SMYD3: variants seen among roughly 807,000 people sequenced by gnomAD.
The protein encoded by SMYD3 is SET and MYND domain containing 3, also known as histone-lysine N-methyltransferase SMYD3.
SMYD3 carries 36 observed loss-of-function variants against 57.7 expected under a neutral mutation model. The ratio of observed to expected loss-of-function variants is 0.62; its 90% CI spans 0.48 to 0.82. SMYD3 has a LOEUF of 0.82. Ranked by LOEUF, SMYD3 falls within the 40% of genes least tolerant of loss-of-function variation. The pLI, the probability that SMYD3 is intolerant of heterozygous loss-of-function variation, is 0.00. For missense variants in SMYD3, 515 were observed against 538.8 expected (o/e 0.96, Z 0.44); for synonymous variants, 211 against 195.0 (o/e 1.08, Z -0.68).
intron 10 of SMYD3, among the ~76,000 whole-genome samples, chr1:245,854,074 C>G (rs2051111995): frequency 6.6e-6 from 1 of 152,198 alleles, no homozygotes; most frequent in Non-Finnish European, 1.5e-5. Flanking sequence ...CACAAAAATA[C>G]TATTTATGGA....
chr1:245,860,867 A>G (rs1412753542), intron 9 of SMYD3, among the ~76,000 whole-genome samples: 1 of 152,168 alleles, frequency 6.6e-6, no homozygotes, highest in African/African-American at 2.4e-5. Flanking sequence ...ATTGCTAGAC[A>G]TTTCTGTGGC....
intron 5 of SMYD3, among the ~76,000 whole-genome samples, chr1:246,141,477 G>GACA (rs869114005): frequency 4.3e-4 from 58 of 134,912 alleles, no homozygotes; most frequent in South Asian, 1.2e-3. Context: ...CTTGACAGAT[G>GACA]GTGCATTCCT....
At chr1:245,760,983 T>G (rs977680687) in intron 11 of SMYD3, among the ~76,000 whole-genome samples, 2 of 152,136 alleles carry the variant, frequency 1.3e-5, no homozygotes, top group Admixed American at 6.5e-5. Flanking sequence ...ACAAATGAAA[T>G]TATATTCAGA....
At chr1:245,993,920 C>G (rs954487234) in intron 5 of SMYD3, among the ~76,000 whole-genome samples, 17 of 152,048 alleles carry the variant, frequency 1.1e-4, no homozygotes, top group African/African-American at 4.1e-4. Context: ...ATCTTACCAC[C>G]ATAAAAAGAA....
intron 1 of SMYD3, among the ~76,000 whole-genome samples, chr1:246,394,690 C>A (rs1418927501): frequency 1.3e-5 from 2 of 152,176 alleles, no homozygotes; most frequent in African/African-American, 4.8e-5. Context: ...CTCAGCTATG[C>A]TTTATGATAT....
chr1:246,163,050 T>C (rs1279935882), intron 5 of SMYD3, among the ~76,000 whole-genome samples: 1 of 152,200 alleles, frequency 6.6e-6, no homozygotes, highest in Non-Finnish European at 1.5e-5. Context: ...ATTTTTATCA[T>C]TCTTTCATTT....
intron 5 of SMYD3, among the ~76,000 whole-genome samples, chr1:246,208,581 C>T (rs1331041350): frequency 6.6e-6 from 1 of 152,158 alleles, no homozygotes; most frequent in Non-Finnish European, 1.5e-5. Context: ...AAACACGCAG[C>T]TCCTATTAGG....
intron 5 of SMYD3, among the ~76,000 whole-genome samples, chr1:246,136,339 A>G (rs1450749593): frequency 1.3e-5 from 2 of 152,162 alleles, no homozygotes; most frequent in Non-Finnish European, 2.9e-5. Flanking sequence ...TAGGTCCATC[A>G]TGTTCAGATT....
At chr1:246,438,676 G>A (rs146840720) in intron 1 of SMYD3, among the ~76,000 whole-genome samples, 17 of 152,224 alleles carry the variant, frequency 1.1e-4, no homozygotes, top group African/African-American at 3.6e-4. Context: ...GTCCCCAACC[G>A]TTTTAGCACC....
intron 1 of SMYD3, among the ~76,000 whole-genome samples, chr1:246,438,329 C>T (rs777037374): frequency 1.3e-5 from 2 of 152,108 alleles, no homozygotes; most frequent in Admixed American, 6.5e-5. Context: ...GCAAATATAT[C>T]GTATGATCAG....
At chr1:245,993,938 A>G (rs2058869692) in intron 5 of SMYD3, among the ~76,000 whole-genome samples, 2 of 152,228 alleles carry the variant, frequency 1.3e-5, no homozygotes, top group Admixed American at 6.5e-5. Flanking sequence ...GAAGACATTA[A>G]ACTACAATAT....
At position 246,130,866 on chromosome 1, in the gene SMYD3, T is replaced by C. The variant is rs553082931; in HGVS notation, c.531+196335A>G. Among the ~76,000 whole-genome samples the C allele has an allele frequency of 7.2e-5, 11 of 152,254 alleles. No individual in the cohort carries two copies. The South Asian group carries it at 1.9e-3, about 26-fold the overall frequency. ...CGTCATAATCATTTCATTCTCCTAC[T>C]TGGAAACTTTAAACAGCTCTTTACT... is the stretch of plus-strand genomic sequence containing the variant. On this transcript the variant is annotated intron_variant, in intron 5 of 11. Coordinates refer to ENST00000490107, the MANE Select transcript of SMYD3 (RefSeq NM_001167740.2).
chr1:246,219,789 C>G (rs1319771651), intron 5 of SMYD3, among the ~76,000 whole-genome samples: 2 of 152,144 alleles, frequency 1.3e-5, no homozygotes, highest in Admixed American at 1.3e-4. Context: ...TGCCAGCAAC[C>G]AAAAAACACT....
intron 5 of SMYD3, among the ~76,000 whole-genome samples, chr1:246,146,609 G>A (rs935298193): frequency 1.3e-5 from 2 of 152,152 alleles, no homozygotes; most frequent in Admixed American, 6.5e-5. Flanking sequence ...CGTCCTGGGG[G>A]TGAGTTTTGA....
At chr1:246,184,592 T>C (rs1373008826) in intron 5 of SMYD3, among the ~76,000 whole-genome samples, 2 of 152,180 alleles carry the variant, frequency 1.3e-5, no homozygotes, top group Non-Finnish European at 2.9e-5. Flanking sequence ...TCTGATTCTA[T>C]TTGGAGAAGG....
chr1:246,235,825 A>G (rs2063505358), intron 5 of SMYD3, among the ~76,000 whole-genome samples: 1 of 152,200 alleles, frequency 6.6e-6, no homozygotes, highest in Admixed American at 6.5e-5. Context: ...CAATATGGAA[A>G]TCATGAGCCA....
intron 5 of SMYD3, among the ~76,000 whole-genome samples, chr1:246,177,132 T>C (rs543703885): frequency 7.2e-5 from 11 of 152,226 alleles, no homozygotes; most frequent in Non-Finnish European, 1.3e-4. Flanking sequence ...GAGCCACCTA[T>C]TCATAATATT....
chr1:246,328,323 C>T (rs772627040), intron 4 of SMYD3, among the ~76,000 whole-genome samples: 1 of 152,068 alleles, frequency 6.6e-6, no homozygotes, highest in Non-Finnish European at 1.5e-5. Flanking sequence ...TCAATCATAC[C>T]ACAAATGGGG....
At chr1:246,273,148 T>C (rs1485020122) in intron 5 of SMYD3, among the ~76,000 whole-genome samples, 3 of 132,792 alleles carry the variant, frequency 2.3e-5, no homozygotes, top group African/African-American at 8.9e-5. Flanking sequence ...TTTTTTTTTT[T>C]TTTTCTTTTT....
Sources: allele counts gnomAD v4.1 joint callset (sites outside exome capture counted in the v4.1 genomes callset), GRCh38; gene constraint gnomAD v4.1.1; transcripts MANE v1.5; gene names NCBI Gene and HGNC (gene_info 2026-07-23, HGNC 2026-07-21).